Variants in BRAT1 observed in about 807,000 individuals in gnomAD.
The protein encoded by BRAT1 is integrator complex assembly factor BRAT1.
BRAT1 carries 74 observed loss-of-function variants against 70.6 expected under a neutral mutation model. That is an observed-to-expected ratio of 1.05 (90% CI 0.87 to 1.27). The LOEUF is 1.27. Among genes scored for constraint, BRAT1 ranks in the 50% most tolerant of loss-of-function variants. The probability of loss-of-function intolerance (pLI) is 0.00; values close to 1 mark genes in which losing one functional copy is unlikely to be tolerated. For missense variants in BRAT1, 1,203 were observed against 1,098.2 expected, an observed-to-expected ratio of 1.10 and a Z score of -1.35; for synonymous variants, 615 against 517.1, an observed-to-expected ratio of 1.19 and a Z score of -2.57.
In BRAT1 at chr7:2,539,189, T is replaced by C. The variant is rs1266059224; in HGVS notation, c.1760A>G (p.Glu587Gly). ...CCTGCCACCTCCTACCTGCCGGGCC[T>C]CTGCATGCTCAGGGCTGGTGGGGGC... ...LHAPTSPEHA[E>G]ARQSLFLELL... is the part of the protein sequence containing the mutation. Residue 587 changes from glutamate to glycine, a missense_variant, in exon 13 of 14, where the codon GAG becomes GGG. Glu to Gly is a moderately conservative substitution (Grantham distance 98). Transcript: ENST00000340611. The C allele has an allele frequency of 6.9e-6, 11 of 1,600,876 alleles. No homozygotes were observed. Among genetic ancestry groups the C allele is most frequent in the African/African-American group, 1.3e-5 (1 of 74,722 alleles).
chr7:2,551,765 A>G (rs1294301353), intron 2 of BRAT1, among the ~76,000 whole-genome samples: 2 of 151,780 alleles, frequency 1.3e-5, no homozygotes, highest in Non-Finnish European at 2.9e-5. Flanking sequence ...CATCAAAATC[A>G]TATAGTGAAA....
Position 2,541,017 on chromosome 7 carries a change from G to A in BRAT1, c.1357C>T (p.Leu453Phe), listed in dbSNP as rs760510041. The A allele has an allele frequency of 6.1e-5, 96 of 1,565,320 alleles. No homozygotes were observed. Among genetic ancestry groups the A allele is most frequent in the Non-Finnish European group, 8.1e-5 (94 of 1,166,436 alleles). The change falls in exon 10 of 14, where the codon CTC (leucine) becomes TTC (phenylalanine). Residue 453 changes from leucine (L) to phenylalanine (F), a missense_variant. Leu to Phe is a conservative substitution (Grantham distance 22, BLOSUM62 0). Coordinates refer to ENST00000340611, the MANE Select transcript of BRAT1 (RefSeq NM_152743.4). ...QELVTQALAVLLECLESPGSS... is the reference protein window; with the variant it reads ...QELVTQALAVFLECLESPGSS... ...CCGGGGCTCTCGAGGCACTCCAGGA[G>A]GACAGCAAGCGCCTGCGTCACCAGC...
Position 2,542,202 on chromosome 7 carries a change from T to G in BRAT1, c.933A>C (p.Ala311=). 1 of 1,561,776 alleles carries G rather than the reference T, an allele frequency of 6.4e-7. No homozygotes were observed. Among genetic ancestry groups the G allele is most frequent in the Non-Finnish European group, 8.7e-7 (1 of 1,152,820 alleles). The change falls in exon 7 of 14, where the codon GCA becomes GCC. Residue 311 remains alanine, a synonymous_variant. Transcript: ENST00000340611. ...GILKLEHCPQ[A]LRTQAFQVLL... ...GGACCTGGAAGGCCTGGGTCCTCAG[T>G]GCCTGTGGACTGGAGACAAACGCGA... is the stretch of plus-strand genomic sequence containing the variant.
At chr7:2,551,168 G>A (rs1299663647) in intron 2 of BRAT1, among the ~76,000 whole-genome samples, 1 of 151,544 alleles carries the variant, frequency 6.6e-6, no homozygotes, top group African/African-American at 2.4e-5. Context: ...TGAAACCCAG[G>A]AGGCGGAGGT....
In BRAT1 at chr7:2,547,811, T is replaced by C. The variant is rs377181527; in HGVS notation, c.128-333A>G. Among the ~76,000 whole-genome samples, 5 of 152,158 alleles carry C rather than the reference T, an allele frequency of 3.3e-5. No individual in the cohort carries two copies. In the East Asian group the frequency reaches 5.8e-4, roughly 18 times the overall value. ...TTAAAGTGAAAGACCAGGCTGGGCG[T>C]GGTGGCTCACGCCTGTAATCCCAAC... is the stretch of plus-strand genomic sequence containing the variant. On this transcript the variant is annotated intron_variant, in intron 2 of 13. Coordinates refer to ENST00000340611, the MANE Select transcript of BRAT1 (RefSeq NM_152743.4).
intron 1 of BRAT1, among the ~76,000 whole-genome samples, chr7:2,555,269 T>A (rs1307830813): frequency 6.6e-6 from 1 of 151,948 alleles, no homozygotes; most frequent in South Asian, 2.1e-4. Context: ...AGAGGAACCC[T>A]CCCCACACTT....
chr7:2,546,007 C>T (rs1779582365), intron 3 of BRAT1, among the ~76,000 whole-genome samples: 1 of 152,230 alleles, frequency 6.6e-6, no homozygotes, highest in South Asian at 2.1e-4. Context: ...TGTGAGGCAC[C>T]AAGAGAAGCC....
chr7:2,540,938 T>TGCCTCC, intron 10 of BRAT1, 41 bp downstream of exon 10: 2 of 1,473,870 alleles, frequency 1.4e-6, no homozygotes, highest in Non-Finnish European at 1.8e-6. Flanking sequence ...CCACTGCCTC[T>TGCCTCC]GCCTCCCTCC....
chr7:2,540,988 G>A lies in BRAT1; in HGVS notation c.1386C>T (p.Ser462=). Residue 462 remains serine (S), a synonymous_variant, in exon 10 of 14, where the codon TCC becomes TCT. Transcript: ENST00000340611. ...VLLECLESPG[S]SPTVLKKAFQ... is the part of the protein sequence containing the mutation. ...ATCCCCACCACCGTACCGTGGGGCT[G>A]GAGCCGGGGCTCTCGAGGCACTCCA... is the stretch of plus-strand genomic sequence containing the variant. The A allele has an allele frequency of 6.4e-7, 1 of 1,552,508 alleles. No individual in the cohort carries two copies. The highest frequency in any genetic ancestry group is 8.6e-7 in the Non-Finnish European group (1 of 1,161,176).
chr7:2,541,529 G>A (rs771417566), intron 8 of BRAT1, 45 bp from the exon 9 acceptor site: 30 of 1,503,264 alleles, frequency 2.0e-5, no homozygotes, highest in Admixed American at 8.6e-5. Context: ...TCCCACTGCC[G>A]GCGTGGATGC....
chr7:2,554,440 C>A lies in BRAT1; in HGVS notation c.-9G>T. ...GCGCATTCTGGGTCCATGGTGAGGC[C>A]GCAGGCCCTGCAAAGGCAATGTGAG... On this transcript the variant is annotated 5_prime_UTR_variant, in exon 2 of 14. Transcript: ENST00000340611. 1 of 1,611,860 alleles carries A rather than the reference C, an allele frequency of 6.2e-7. No individual in the cohort carries two copies. The highest frequency in any genetic ancestry group is 1.1e-5 in the South Asian group (1 of 90,948).
In BRAT1 at chr7:2,543,190, AC is replaced by A. The variant is rs752673566; in HGVS notation, c.923+13del. 5.8e-6 allele frequency: 9 copies of A among 1,548,480 alleles called. 1 individual carries two copies. The South Asian group carries it at 1.1e-4, about 19-fold the overall frequency. On this transcript the variant is annotated intron_variant, in intron 6 of 13. Coordinates refer to ENST00000340611, the MANE Select transcript of BRAT1 (RefSeq NM_152743.4). The surrounding 1 kb of genome is among the most constrained non-coding windows in gnomAD (Gnocchi z 5.5). ...CAGCACCCGCCTCGGAATGAAATGCACCCCAGACCATACCAGTGCTCGAGCT... is the reference window on the plus strand; with the variant it reads ...CAGCACCCGCCTCGGAATGAAATGCACCCAGACCATACCAGTGCTCGAGCT...
chr7:2,554,586 C>G lies in BRAT1; in HGVS notation c.-16-139G>C, dbSNP rs916078067. The G allele has an allele frequency of 4.0e-5, 44 of 1,108,082 alleles. No homozygotes were observed. The South Asian group carries it at 5.1e-4, about 13-fold the overall frequency. The allele number at this position is 1,108,082 out of a possible 1,614,324, so 68.6% of individuals were successfully genotyped here. On this transcript the variant is annotated intron_variant, in intron 1 of 13. Coordinates refer to ENST00000340611, the MANE Select transcript of BRAT1 (RefSeq NM_152743.4). ...TCTCAGACCAGGAGAACCATGATCCCCAGACCAGAGGTCTGTACTGCAGGG... is the reference window on the plus strand; with the variant it reads ...TCTCAGACCAGGAGAACCATGATCCGCAGACCAGAGGTCTGTACTGCAGGG...
At chr7:2,540,780 C>CTGA in intron 10 of BRAT1, 199 bp downstream of exon 10, 1 of 504,564 alleles carries the variant, frequency 2.0e-6, no homozygotes, top group South Asian at 4.1e-5. Context: ...CCCCTGCGTG[C>CTGA]TGATGTATCT....
intron 3 of BRAT1, among the ~76,000 whole-genome samples, chr7:2,546,411 G>A (rs535129008): frequency 2.6e-4 from 39 of 152,128 alleles, no homozygotes; most frequent in Admixed American, 1.8e-3. Context: ...CAGCCTGGAC[G>A]ACAGAGCAGG....
intron 2 of BRAT1, among the ~76,000 whole-genome samples, chr7:2,553,645 CTTTGT>C (rs1275904701): frequency 1.3e-5 from 2 of 150,890 alleles, no homozygotes; most frequent in Non-Finnish European, 3.0e-5. Context: ...ACATGTATTA[CTTTGT>C]TTTTTTTTTT....
At position 2,537,879 on chromosome 7, in the gene BRAT1, T is replaced by C. The variant is rs1778803257; in HGVS notation, c.*190A>G. The stretch of plus-strand genomic sequence containing the variant: ...AAGAAAGACTTCAATGCCATTTATT[T>C]TGAGTAGAAATAAGTCATTTCTTTA... On this transcript the variant is annotated 3_prime_UTR_variant, in exon 14 of 14. Coordinates refer to ENST00000340611, the MANE Select transcript of BRAT1 (RefSeq NM_152743.4). The C allele has an allele frequency of 1.0e-6, 1 of 953,210 alleles. No individual in the cohort carries two copies. The highest frequency in any genetic ancestry group is 3.4e-4 in the Middle Eastern group (1 of 2,904). The allele number at this position is 953,210 out of a possible 1,614,324, so 59.0% of individuals were successfully genotyped here. A position where few individuals can be genotyped will look rare whatever the true frequency, so the allele number is the denominator to read the frequency against.
chr7:2,543,773 C>T lies in BRAT1; in HGVS notation c.620G>A (p.Cys207Tyr). The part of the protein sequence containing the change: ...KIMDHVEESL[C>Y]SAATPKVTQA... ...AGTGACCTTGGGGGTGGCCGCGGAG[C>T]ACAAGGACTCTTCAACGTGATCCAT... is the stretch of plus-strand genomic sequence containing the variant. The change falls in exon 5 of 14, where the codon TGC becomes TAC. Residue 207 changes from cysteine to tyrosine, a missense_variant. Cys to Tyr is a radical substitution (Grantham distance 194). Coordinates refer to ENST00000340611, the MANE Select transcript of BRAT1 (RefSeq NM_152743.4). This position sits in a 1 kb window ranked among gnomAD's most constrained non-coding sequence, Gnocchi z 5.5. The T allele has an allele frequency of 6.2e-7, 1 of 1,611,624 alleles. No homozygotes were observed. Among genetic ancestry groups the T allele is most frequent in the Non-Finnish European group, 8.5e-7 (1 of 1,178,828 alleles).
chr7:2,540,231 A>G (rs572324925), intron 10 of BRAT1: 2 of 238,388 alleles, frequency 8.4e-6, no homozygotes, highest in South Asian at 1.3e-4. Flanking sequence ...TCCTGGGGCT[A>G]ATTTTTCTAT....
Sources: allele counts gnomAD v4.1 joint callset (sites outside exome capture counted in the v4.1 genomes callset), GRCh38; gene constraint gnomAD v4.1.1; non-coding constraint Gnocchi (gnomAD v3.1); transcripts MANE v1.5; gene names NCBI Gene and HGNC (gene_info 2026-07-23, HGNC 2026-07-21).